The following HACE1 variants were observed in gnomAD, a reference collection of about 807,000 sequenced individuals.
HACE1 encodes HECT domain and ankyrin repeat containing E3 ubiquitin protein ligase 1.
Under a neutral mutation model 118.4 loss-of-function variants are expected in HACE1, and 73 were observed. That is an observed-to-expected ratio of 0.62 (90% CI 0.51 to 0.75). The LOEUF (loss-of-function observed/expected upper bound fraction) is 0.75. Among genes scored for constraint, HACE1 ranks in the 30% least tolerant of loss-of-function variants. The probability of loss-of-function intolerance (pLI) is 0.00; values close to 1 mark genes in which losing one functional copy is unlikely to be tolerated. For synonymous variants in HACE1, 368 were observed against 374.8 expected (o/e 0.98, Z 0.21); for missense variants, 749 against 1,102.2 (o/e 0.68, Z 4.54).
intron 18 of HACE1, 47 bp from the exon 19 acceptor site, chr6:104,771,436 C>A (rs1451402384): frequency 1.6e-6 from 2 of 1,256,632 alleles, no homozygotes; most frequent in Non-Finnish European, 1.2e-6. Flanking sequence ...TTTGCCTTCC[C>A]TTATCTATTT....
intron 4 of HACE1, among the ~76,000 whole-genome samples, chr6:104,846,740 CAT>C (rs1237860069): frequency 2.0e-5 from 3 of 152,296 alleles, no homozygotes; most frequent in Admixed American, 6.5e-5. Flanking sequence ...AATGTGAACT[CAT>C]AAAGAAATTA....
chr6:104,852,766 T>A (rs987794811), intron 1 of HACE1, among the ~76,000 whole-genome samples: 1 of 152,222 alleles, frequency 6.6e-6, no homozygotes, highest in East Asian at 1.9e-4. Context: ...GAGGTATTTA[T>A]AGGCATCATG....
intron 7 of HACE1, among the ~76,000 whole-genome samples, chr6:104,804,363 A>G (rs1314739249): frequency 6.6e-6 from 1 of 152,190 alleles, no homozygotes; most frequent in Non-Finnish European, 1.5e-5. Context: ...GGAAAAAACT[A>G]CTTTAAAGTT....
At chr6:104,794,637 C>T (rs768092339) in intron 10 of HACE1, among the ~76,000 whole-genome samples, 15 of 152,254 alleles carry the variant, frequency 9.9e-5, no homozygotes, top group African/African-American at 2.2e-4. Flanking sequence ...GGCGCATTGG[C>T]GCACGCCTGT....
At chr6:104,744,727 G>T (rs1021566513) in intron 20 of HACE1, 117 bp from the exon 21 acceptor site, 1 of 680,514 alleles carries the variant, frequency 1.5e-6, no homozygotes, top group Non-Finnish European at 2.7e-6. Flanking sequence ...ATATATTTTT[G>T]TGACAGTTCC....
At chr6:104,771,119 A>G in intron 19 of HACE1, 74 bp downstream of exon 19, 1 of 1,060,218 alleles carries the variant, frequency 9.4e-7, no homozygotes, top group Non-Finnish European at 1.5e-6. Context: ...AAGTGCCAGA[A>G]GAATTTAGAG....
intron 14 of HACE1, chr6:104,780,349 G>A: frequency 2.2e-6 from 1 of 452,662 alleles, no homozygotes; most frequent in Non-Finnish European, 4.4e-6. Flanking sequence ...ACTTTCTAGA[G>A]TACCTGCATT....
chr6:104,730,799 T>G (rs1775120702), intron 22 of HACE1: 1 of 213,018 alleles, frequency 4.7e-6, no homozygotes, highest in African/African-American at 2.3e-5. Context: ...ATGCCTGGAG[T>G]AGACATTCAT....
At chr6:104,795,320 G>A (rs1371713916) in intron 10 of HACE1, among the ~76,000 whole-genome samples, 1 of 152,078 alleles carries the variant, frequency 6.6e-6, no homozygotes, top group African/African-American at 2.4e-5. Context: ...GTCTAGGTAA[G>A]TAATCATTTC....
At chr6:104,754,419 C>T (rs1175672978) in intron 19 of HACE1, among the ~76,000 whole-genome samples, 1 of 152,106 alleles carries the variant, frequency 6.6e-6, no homozygotes, top group Non-Finnish European at 1.5e-5. Flanking sequence ...GTAATACACT[C>T]CACAAAAAGA....
Position 104,796,730 on chromosome 6 carries a change from T to C in HACE1, c.741A>G (p.Val247=). 1 of 1,588,620 alleles carries C rather than the reference T, an allele frequency of 6.3e-7. No individual in the cohort carries two copies. Among genetic ancestry groups the C allele is most frequent in the South Asian group, 1.1e-5 (1 of 90,514 alleles). ...AAAGCCTCGGGTGATATTGAATTAA[T>C]ACTTCACAAGTCTCTCCATATCCAC... The part of the protein sequence containing the change: ...VQGGYGETCE[V]LIQYHPRLFQ... Residue 247 remains valine, a synonymous_variant, in exon 9 of 24, where the codon GTA becomes GTG. Transcript: ENST00000262903.
intron 19 of HACE1, 86 bp downstream of exon 19, chr6:104,771,107 A>T: frequency 2.1e-6 from 2 of 940,146 alleles, no homozygotes; most frequent in Non-Finnish European, 3.5e-6. Context: ...AAGTTTTTCT[A>T]CAAGTGCCAG....
At chr6:104,743,793 C>T (rs1016399005) in intron 22 of HACE1, among the ~76,000 whole-genome samples, 1 of 151,048 alleles carries the variant, frequency 6.6e-6, no homozygotes, top group African/African-American at 2.4e-5. Flanking sequence ...AACTGAATTG[C>T]CTTACTATTA....
chr6:104,819,221 T>C (rs1326434312), intron 6 of HACE1, among the ~76,000 whole-genome samples: 1 of 151,920 alleles, frequency 6.6e-6, no homozygotes, highest in Non-Finnish European at 1.5e-5. Flanking sequence ...CGTGGAAAAA[T>C]CACTAGCATT....
intron 22 of HACE1, among the ~76,000 whole-genome samples, chr6:104,734,047 G>C (rs2114384696): frequency 6.6e-6 from 1 of 150,474 alleles, no homozygotes; most frequent in East Asian, 2.0e-4. Context: ...AGCGACTCGG[G>C]AGGGCTTAGG....
chr6:104,775,735 A>G (rs1781166987), intron 17 of HACE1, among the ~76,000 whole-genome samples: 1 of 152,180 alleles, frequency 6.6e-6, no homozygotes, highest in Non-Finnish European at 1.5e-5. Context: ...AAGTGTATCC[A>G]CGAAACCCAT....
chr6:104,750,484 G>C lies in HACE1; in HGVS notation c.2212-12C>G. 2 of 1,611,990 alleles carry C rather than the reference G, an allele frequency of 1.2e-6. No individual in the cohort carries two copies. Among genetic ancestry groups the C allele is most frequent in the Non-Finnish European group, 1.7e-6 (2 of 1,178,438 alleles). ...TGGACGTACTCCGCCTGTTGAAAAA[G>C]AAGTTTTCATGATGACTTTTCAAAA... On this transcript the variant is annotated splice_polypyrimidine_tract_variant and intron_variant, in intron 19 of 23. Transcript: ENST00000262903.
At chr6:104,755,429 C>T (rs942519383) in intron 19 of HACE1, among the ~76,000 whole-genome samples, 1 of 152,152 alleles carries the variant, frequency 6.6e-6, no homozygotes, top group Non-Finnish European at 1.5e-5. Flanking sequence ...ATCAAGTGGA[C>T]CTGATAGATA....
intron 19 of HACE1, among the ~76,000 whole-genome samples, chr6:104,753,965 A>G (rs929078186): frequency 6.6e-6 from 1 of 152,204 alleles, no homozygotes; most frequent in African/African-American, 2.4e-5. Flanking sequence ...TCACTGAGAT[A>G]AAGGAGCATG....
Sources: gnomAD v4.1 joint callset for allele counts (sites outside exome capture counted in the v4.1 genomes callset) on GRCh38, gnomAD v4.1.1 for gene constraint, MANE v1.5 for transcripts, NCBI Gene and HGNC (gene_info 2026-07-23, HGNC 2026-07-21) for gene names.